PKD1L3: variants seen among roughly 807,000 people sequenced by gnomAD.
PKD1L3 encodes the protein polycystin-1-like protein 3.
A neutral mutation model predicts 184.1 loss-of-function variants in PKD1L3; 239 were observed. That is an observed-to-expected ratio of 1.30 (90% CI 1.17 to 1.45). PKD1L3 has a LOEUF of 1.45. Ranked by LOEUF, PKD1L3 falls within the 40% of genes most tolerant of loss-of-function variation. The pLI, the probability that PKD1L3 is intolerant of heterozygous loss-of-function variation, is 0.00. For synonymous variants in PKD1L3, 996 were observed against 778.8 expected (o/e 1.28, Z -4.64); for missense variants, 2,660 against 2,067.2 (o/e 1.29, Z -5.56).
chr16:71,959,278 C>T (rs985826041), intron 16 of PKD1L3, among the ~76,000 whole-genome samples: 4 of 151,388 alleles, frequency 2.6e-5, no homozygotes, highest in Non-Finnish European at 4.4e-5. Flanking sequence ...GGCATGGTGG[C>T]GCATGTCTGT....
At chr16:71,997,437 C>A (rs1199770936) in intron 2 of PKD1L3, among the ~76,000 whole-genome samples, 2 of 150,800 alleles carry the variant, frequency 1.3e-5, no homozygotes, top group African/African-American at 4.9e-5. Context: ...CCACTCCCCA[C>A]TCCACCGTCT....
Position 71,933,405 on chromosome 16 carries a change from A to C in PKD1L3, c.4926+15T>G, listed in dbSNP as rs1361878798. On this transcript the variant is annotated intron_variant, in intron 28 of 29. Transcript: ENST00000620267. ...ATATATTGAATTCTGTGAGGAAACA[A>C]ATTATTATTTTTACCTCCTCTTGGT... 1 of 1,519,050 alleles carries C rather than the reference A, an allele frequency of 6.6e-7. No individual in the cohort carries two copies. 94.1% of individuals were successfully genotyped at this position (1,519,050 alleles called of 1,614,324 possible). A position where few individuals can be genotyped will look rare whatever the true frequency, so the allele number is the denominator to read the frequency against.
At chr16:71,982,277 G>GTTT in intron 6 of PKD1L3, 42 bp from the exon 7 acceptor site, 39 of 690,204 alleles carry the variant, frequency 5.7e-5, no homozygotes, top group South Asian at 5.5e-4. Context: ...TGAATTGTTT[G>GTTT]CTTTTTTTTT....
intron 2 of PKD1L3, among the ~76,000 whole-genome samples, chr16:71,997,364 A>C (rs1022176494): frequency 2.7e-5 from 4 of 150,710 alleles, no homozygotes; most frequent in Non-Finnish European, 4.4e-5. Flanking sequence ...AGGTGGGAGG[A>C]TTGCTTGAGT....
chr16:71,973,857 T>C (rs2039815030), intron 11 of PKD1L3, among the ~76,000 whole-genome samples: 1 of 151,620 alleles, frequency 6.6e-6, no homozygotes, highest in African/African-American at 2.4e-5. Context: ...CAAAAATTAG[T>C]GGGGTGTGGT....
intron 28 of PKD1L3, 54 bp from the exon 29 acceptor site, chr16:71,930,237 C>G (rs1460178474): frequency 1.4e-6 from 2 of 1,471,334 alleles, no homozygotes; most frequent in African/African-American, 1.4e-5. Flanking sequence ...TTATACTTTA[C>G]AAACATAAGC....
intron 19 of PKD1L3, among the ~76,000 whole-genome samples, chr16:71,951,165 C>G (rs1224123497): frequency 2.6e-5 from 4 of 151,882 alleles, no homozygotes; most frequent in Non-Finnish European, 5.9e-5. Flanking sequence ...TCAGCCTCCC[C>G]CGTAGCTGGG....
At chr16:71,972,993 G>A (rs555575166) in intron 12 of PKD1L3, among the ~76,000 whole-genome samples, 1 of 152,228 alleles carries the variant, frequency 6.6e-6, no homozygotes. Flanking sequence ...CGTTTAGCAA[G>A]AGGTTTCATT....
chr16:71,979,808 T>C lies in PKD1L3; in HGVS notation c.1376A>G (p.Lys459Arg). Residue 459 changes from lysine to arginine, a missense_variant, in exon 9 of 30, where the codon AAA becomes AGA. Physicochemically the swap from Lys to Arg is conservative, Grantham distance 26. Transcript: ENST00000620267. The stretch of plus-strand genomic sequence containing the variant: ...CACTTGGACATTAACTCCTGGATGT[T>C]TATTCAAGAGCTCCTTCAAAGCTAA... ...SALALKELLN[K>R]HPGVNVQITG... is the part of the protein sequence containing the mutation. 6.6e-7 allele frequency: 1 copy of C among 1,509,782 alleles called. No individual in the cohort carries two copies. Among genetic ancestry groups the C allele is most frequent in the Non-Finnish European group, 8.8e-7 (1 of 1,134,238 alleles). 93.5% of individuals were successfully genotyped at this position (1,509,782 alleles called of 1,614,324 possible).
chr16:71,958,098 A>C (rs566000028), intron 16 of PKD1L3, among the ~76,000 whole-genome samples: 6 of 152,182 alleles, frequency 3.9e-5, no homozygotes, highest in Admixed American at 2.0e-4. Context: ...GTAAAGATGG[A>C]CACACACGGC....
At chr16:71,937,183 G>C in intron 25 of PKD1L3, 109 bp downstream of exon 25, 1 of 1,130,650 alleles carries the variant, frequency 8.8e-7, no homozygotes, top group Non-Finnish European at 1.2e-6. Flanking sequence ...AGCCTCCCGA[G>C]TAGCTGGGAC....
At chr16:71,947,670 G>A in intron 21 of PKD1L3, 79 bp from the exon 22 acceptor site, 1 of 932,008 alleles carries the variant, frequency 1.1e-6, no homozygotes, top group Non-Finnish European at 1.6e-6. Context: ...AGGAAGAGGT[G>A]GGCACTCATG....
intron 16 of PKD1L3, among the ~76,000 whole-genome samples, chr16:71,960,690 A>G (rs1394645034): frequency 6.6e-6 from 1 of 152,234 alleles, no homozygotes; most frequent in Non-Finnish European, 1.5e-5. Context: ...AAACACAGAG[A>G]TTAAACAGAT....
chr16:71,977,079 GGTGC>G (rs1320831180), intron 11 of PKD1L3, among the ~76,000 whole-genome samples, 153 bp downstream of exon 11: 1 of 152,180 alleles, frequency 6.6e-6, no homozygotes, highest in East Asian at 1.9e-4. Context: ...CAGATGTGGT[GGTGC>G]GCACTTGTAG....
chr16:71,973,255 T>A (rs1331662834), intron 12 of PKD1L3, 69 bp downstream of exon 12: 4 of 1,468,728 alleles, frequency 2.7e-6, no homozygotes, highest in Admixed American at 2.1e-5. Flanking sequence ...CCAAATGAGA[T>A]AACGGATGCA....
At chr16:71,963,169 CA>C in intron 16 of PKD1L3, 35 bp downstream of exon 16, 1 of 1,490,442 alleles carries the variant, frequency 6.7e-7, no homozygotes, top group African/African-American at 1.4e-5. Context: ...TAGTGAACAT[CA>C]ATATTCACTG....
chr16:71,956,083 C>T (rs1319037652), intron 16 of PKD1L3, among the ~76,000 whole-genome samples: 3 of 151,904 alleles, frequency 2.0e-5, no homozygotes, highest in Non-Finnish European at 2.9e-5. Flanking sequence ...GTCTCGAACT[C>T]CTGAGCTCAA....
At position 71,984,183 on chromosome 16, in the gene PKD1L3, A is replaced by T; in HGVS notation, c.835-16T>A. ...CATCTATGACCTATTGGGAACAAAGAAGTTGTCAAAATTACTCATACAAAA... is the reference window on the plus strand; with the variant it reads ...CATCTATGACCTATTGGGAACAAAGTAGTTGTCAAAATTACTCATACAAAA... On this transcript the variant is annotated splice_polypyrimidine_tract_variant and intron_variant, in intron 5 of 29. Transcript: ENST00000620267. 3 of 1,549,958 alleles carry T rather than the reference A, an allele frequency of 1.9e-6. No individual in the cohort carries two copies. The highest frequency in any genetic ancestry group is 2.4e-5 in the South Asian group (2 of 83,992).
intron 2 of PKD1L3, among the ~76,000 whole-genome samples, chr16:71,994,514 A>C (rs1453773982): frequency 6.6e-6 from 1 of 152,126 alleles, no homozygotes; most frequent in Non-Finnish European, 1.5e-5. Context: ...TTGGTAGCTC[A>C]GATTAAGTAC....
Sources: gnomAD v4.1 joint callset for allele counts (sites outside exome capture counted in the v4.1 genomes callset) on GRCh38, gnomAD v4.1.1 for gene constraint, MANE v1.5 for transcripts, NCBI Gene and HGNC (gene_info 2026-07-23, HGNC 2026-07-21) for gene names.